Variants in NMNAT3 observed in about 807,000 individuals in gnomAD.
NMNAT3 encodes nicotinamide nucleotide adenylyltransferase 3.
Under a neutral mutation model 24.8 loss-of-function variants are expected in NMNAT3, and 21 were observed. That is an observed-to-expected ratio of 0.85 (90% CI 0.60 to 1.22). The LOEUF (loss-of-function observed/expected upper bound fraction) is 1.22, where lower values mean the gene tolerates loss of function less well. NMNAT3 is among the 50% of genes most tolerant of loss of function. The pLI is 0.00. For synonymous variants in NMNAT3, 136 were observed against 155.2 expected, an observed-to-expected ratio of 0.88 and a Z score of 0.92; for missense variants, 387 against 436.6, an observed-to-expected ratio of 0.89 and a Z score of 1.01.
intron 1 of NMNAT3, among the ~76,000 whole-genome samples, chr3:139,658,634 C>T (rs2108415976): frequency 6.6e-6 from 1 of 152,312 alleles, no homozygotes; most frequent in African/African-American, 2.4e-5. Flanking sequence ...TTATCATATA[C>T]CTACTCCTCT....
chr3:139,606,194 T>C (rs987693504), intron 3 of NMNAT3, among the ~76,000 whole-genome samples: 1 of 152,198 alleles, frequency 6.6e-6, no homozygotes, highest in African/African-American at 2.4e-5. Context: ...CACAGTTCAA[T>C]CGAGGATCTC....
rs148834873 is a variant in NMNAT3 at position 139,675,135 on chromosome 3, T to TACACACACACACAC, written c.-141+2556_-141+2569dup. On this transcript the variant is annotated intron_variant, in intron 1 of 6. Transcript: ENST00000643695. ...CTTACCTTCGTATTCCTTTTAAACA[T>TACACACACACACAC]ACACACACACACACACACACACACA... is the stretch of plus-strand genomic sequence containing the variant. Among the ~76,000 whole-genome samples, 1,395 of 148,316 alleles carry TACACACACACACAC rather than the reference T, an allele frequency of 9.4e-3. 11 individuals carry two copies. Among genetic ancestry groups the TACACACACACACAC allele is most frequent in the East Asian group, 0.024 (122 of 4,992 alleles).
intron 1 of NMNAT3, among the ~76,000 whole-genome samples, chr3:139,645,927 C>A (rs1181260005): frequency 6.6e-6 from 1 of 152,062 alleles, no homozygotes; most frequent in African/African-American, 2.4e-5. Flanking sequence ...ATAGAATCAT[C>A]AAAAGTGAGA....
At chr3:139,653,202 G>A (rs2057114810) in intron 1 of NMNAT3, among the ~76,000 whole-genome samples, 1 of 152,042 alleles carries the variant, frequency 6.6e-6, no homozygotes, top group African/African-American at 2.4e-5. Flanking sequence ...GGATTAAATG[G>A]CTCCTAAGAG....
At chr3:139,569,529 G>A (rs1188813135) in intron 6 of NMNAT3, 4 of 152,118 alleles carry the variant, frequency 2.6e-5, no homozygotes, top group Admixed American at 1.3e-4. Context: ...CTCTTTTAGG[G>A]CAGGCCTGGT....
At chr3:139,616,432 ACT>A (rs1274825966) in intron 3 of NMNAT3, among the ~76,000 whole-genome samples, 1 of 150,874 alleles carries the variant, frequency 6.6e-6, no homozygotes, top group South Asian at 2.1e-4. Context: ...GGTCTCTCTC[ACT>A]CTCTCTGTGA....
intron 3 of NMNAT3, among the ~76,000 whole-genome samples, chr3:139,618,755 C>G (rs1315890034): frequency 1.3e-5 from 2 of 152,180 alleles, no homozygotes; most frequent in African/African-American, 4.8e-5. Context: ...TTTAAATTAT[C>G]TGTCCTTGGA....
chr3:139,622,732 C>G (rs1293046568), intron 3 of NMNAT3, among the ~76,000 whole-genome samples: 2 of 140,126 alleles, frequency 1.4e-5, no homozygotes, highest in East Asian at 2.0e-4. Context: ...AAGACTCTGT[C>G]TCAAAAAAAA....
intron 3 of NMNAT3, among the ~76,000 whole-genome samples, chr3:139,614,318 T>C (rs2055379485): frequency 6.6e-6 from 1 of 152,038 alleles, no homozygotes; most frequent in Non-Finnish European, 1.5e-5. Flanking sequence ...GACTCCACGA[T>C]CAAACCCTGA....
intron 6 of NMNAT3, chr3:139,566,345 G>A (rs1215061813): frequency 6.6e-6 from 1 of 152,048 alleles, no homozygotes; most frequent in African/African-American, 2.4e-5. Flanking sequence ...TTCTTTTGCT[G>A]TGCAGAAGCT....
At chr3:139,626,400 T>C (rs1272808520) in intron 3 of NMNAT3, among the ~76,000 whole-genome samples, 1 of 152,146 alleles carries the variant, frequency 6.6e-6, no homozygotes, top group Non-Finnish European at 1.5e-5. Flanking sequence ...TTATTCTTTA[T>C]AGTGTATTTT....
chr3:139,578,990 C>A lies in NMNAT3; in HGVS notation c.457G>T (p.Ala153Ser), dbSNP rs115220874. The change falls in exon 5 of 7, where the codon GCA becomes TCA. Residue 153 changes from alanine (A) to serine (S), a missense_variant. By Grantham distance (99) the Ala-to-Ser change is moderately conservative. Transcript: ENST00000643695. ...ATGGCCACTCGGTGATGAGAAGCTGCGAGGTCTTTCTTCCCATAGGTGTCG... is the reference window on the plus strand; with the variant it reads ...ATGGCCACTCGGTGATGAGAAGCTGAGAGGTCTTTCTTCCCATAGGTGTCG... 5 of 1,614,168 alleles carry A rather than the reference C, an allele frequency of 3.1e-6. No individual in the cohort carries two copies. Among genetic ancestry groups the A allele is most frequent in the Non-Finnish European group, 4.2e-6 (5 of 1,180,022 alleles).
At chr3:139,663,295 T>C (rs1323090225) in intron 1 of NMNAT3, among the ~76,000 whole-genome samples, 1 of 152,214 alleles carries the variant, frequency 6.6e-6, no homozygotes, top group Non-Finnish European at 1.5e-5. Flanking sequence ...TGTGATTAGA[T>C]TGGGTCCACC....
chr3:139,614,473 C>G (rs2055388218), intron 3 of NMNAT3, among the ~76,000 whole-genome samples: 1 of 152,216 alleles, frequency 6.6e-6, no homozygotes, highest in Non-Finnish European at 1.5e-5. Flanking sequence ...GCCTTGGGCC[C>G]ACAGACCTGG....
chr3:139,565,291 A>C (rs1451370103), intron 6 of NMNAT3: 1 of 152,220 alleles, frequency 6.6e-6, no homozygotes, highest in Non-Finnish European at 1.5e-5. Context: ...TTTATCAAGC[A>C]AAGAGTGCAA....
At chr3:139,562,985 C>A (rs1030971704) in intron 6 of NMNAT3, among the ~76,000 whole-genome samples, 6 of 152,164 alleles carry the variant, frequency 3.9e-5, no homozygotes, top group African/African-American at 1.4e-4. Context: ...CTGGTTCTGA[C>A]GTTCAATACC....
chr3:139,562,555 A>T (rs1035867744), intron 6 of NMNAT3, among the ~76,000 whole-genome samples: 2 of 152,196 alleles, frequency 1.3e-5, no homozygotes, highest in African/African-American at 4.8e-5. Context: ...GGGCTACCAT[A>T]CTGGAGAAAA....
At chr3:139,647,496 A>T (rs1009485814) in intron 1 of NMNAT3, among the ~76,000 whole-genome samples, 11 of 152,232 alleles carry the variant, frequency 7.2e-5, no homozygotes, top group African/African-American at 2.7e-4. Flanking sequence ...CTTTACTTGG[A>T]AAAAGGGTCA....
chr3:139,591,493 T>C (rs1054800063), intron 3 of NMNAT3, among the ~76,000 whole-genome samples: 3 of 152,284 alleles, frequency 2.0e-5, no homozygotes, highest in East Asian at 3.9e-4. Flanking sequence ...TGCCTGCCTC[T>C]GTAGGCTCCA....
Sources: allele counts gnomAD v4.1 joint callset (sites outside exome capture counted in the v4.1 genomes callset), GRCh38; gene constraint gnomAD v4.1.1; transcripts MANE v1.5; gene names NCBI Gene and HGNC (gene_info 2026-07-23, HGNC 2026-07-21).